The following SLIT3 variants were observed in gnomAD, a reference collection of about 807,000 sequenced individuals.
The protein encoded by SLIT3 is slit homolog 3 protein.
Under a neutral mutation model 184.0 loss-of-function variants are expected in SLIT3, and 68 were observed. That is an observed-to-expected ratio of 0.37 (90% CI 0.30 to 0.45). The LOEUF (loss-of-function observed/expected upper bound fraction) is 0.45, where lower values mean the gene tolerates loss of function less well. Among genes scored for constraint, SLIT3 ranks in the 20% least tolerant of loss-of-function variants. The probability of loss-of-function intolerance (pLI) is 1.00; values close to 1 mark genes in which losing one functional copy is unlikely to be tolerated. For synonymous variants in SLIT3, 831 were observed against 828.6 expected, an observed-to-expected ratio of 1.00 and a Z score of -0.05; for missense variants, 1,707 against 2,026.0, an observed-to-expected ratio of 0.84 and a Z score of 3.02.
At chr5:168,816,338 C>T (rs1757334375) in intron 8 of SLIT3, among the ~76,000 whole-genome samples, 1 of 152,154 alleles carries the variant, frequency 6.6e-6, no homozygotes, top group South Asian at 2.1e-4. Context: ...AGGTGCCCGC[C>T]ACCACGTCCA....
chr5:169,225,988 C>A (rs1303981259), intron 3 of SLIT3, among the ~76,000 whole-genome samples: 1 of 152,122 alleles, frequency 6.6e-6, no homozygotes, highest in African/African-American at 2.4e-5. Context: ...GTCCTTTGAG[C>A]AAGAGAAGAT....
chr5:169,212,523 T>A (rs1764300529), intron 3 of SLIT3, among the ~76,000 whole-genome samples: 1 of 152,212 alleles, frequency 6.6e-6, no homozygotes, highest in East Asian at 1.9e-4. Context: ...ATTAGCCCTT[T>A]GTCAGATGGA....
At chr5:168,790,825 T>C (rs576911528) in intron 10 of SLIT3, 61 of 152,372 alleles carry the variant, frequency 4.0e-4, no homozygotes, top group African/African-American at 1.4e-3. Context: ...GGAATCTCTC[T>C]GAGCCTGTTT....
At chr5:169,061,690 G>A (rs1053960974) in intron 4 of SLIT3, among the ~76,000 whole-genome samples, 5 of 152,184 alleles carry the variant, frequency 3.3e-5, no homozygotes, top group African/African-American at 9.7e-5. Flanking sequence ...ACGATGCAGC[G>A]CAAGGATGCA....
At chr5:169,119,043 C>T (rs180769305) in intron 4 of SLIT3, among the ~76,000 whole-genome samples, 28 of 152,290 alleles carry the variant, frequency 1.8e-4, no homozygotes, top group Admixed American at 6.5e-4. Context: ...ACCGCTTAGT[C>T]CAGAAGCTCA....
Position 168,815,037 on chromosome 5 carries a change from G to C in SLIT3, c.793+2263C>G, listed in dbSNP as rs139832161. On this transcript the variant is annotated intron_variant, in intron 8 of 35. Coordinates refer to ENST00000519560, the MANE Select transcript of SLIT3 (RefSeq NM_003062.4). ...CCCTTAATTCATACTACAGGCGAGA[G>C]GGTGGAGGTTAACAGCATAGTCATG... Among the ~76,000 whole-genome samples, 922 of 152,326 alleles carry C rather than the reference G, an allele frequency of 6.1e-3. 7 individuals are homozygous for C. The highest frequency in any genetic ancestry group is 0.01 in the Non-Finnish European group (705 of 68,032).
chr5:168,715,477 G>A (rs1358544680), intron 23 of SLIT3, among the ~76,000 whole-genome samples: 1 of 152,116 alleles, frequency 6.6e-6, no homozygotes, highest in Non-Finnish European at 1.5e-5. Flanking sequence ...CAACCTAAGG[G>A]AGCCAAGGAG....
chr5:168,861,872 C>T (rs146885313), intron 5 of SLIT3, among the ~76,000 whole-genome samples: 2 of 152,280 alleles, frequency 1.3e-5, no homozygotes, highest in Non-Finnish European at 2.9e-5. Context: ...CTGAGGCACA[C>T]AATAAGGAAG....
At chr5:168,678,479 C>T (rs927502913) in intron 32 of SLIT3, among the ~76,000 whole-genome samples, 9 of 152,044 alleles carry the variant, frequency 5.9e-5, no homozygotes, top group East Asian at 3.9e-4. Flanking sequence ...GTCAGGAGTT[C>T]GAGACCAGCC....
intron 4 of SLIT3, among the ~76,000 whole-genome samples, chr5:168,983,462 T>TG (rs1172327854): frequency 6.6e-6 from 1 of 152,214 alleles, no homozygotes; most frequent in East Asian, 1.9e-4. Context: ...AAATCCTCAG[T>TG]GGGACTTTGA....
intron 4 of SLIT3, among the ~76,000 whole-genome samples, chr5:169,113,662 T>C (rs35997053): frequency 1.3e-5 from 2 of 149,536 alleles, no homozygotes; most frequent in African/African-American, 2.5e-5. Flanking sequence ...CTTTTTCTTT[T>C]TTTTTTTTTT....
intron 4 of SLIT3, among the ~76,000 whole-genome samples, chr5:168,952,623 A>G (rs955931746): frequency 6.8e-5 from 10 of 146,136 alleles, no homozygotes; most frequent in Non-Finnish European, 1.3e-4. Flanking sequence ...AAAAGGAACT[A>G]CCATGAAGAA....
At chr5:169,041,328 C>A (rs1434964686) in intron 4 of SLIT3, among the ~76,000 whole-genome samples, 5 of 152,156 alleles carry the variant, frequency 3.3e-5, no homozygotes, top group Admixed American at 3.3e-4. Flanking sequence ...TCTCGTGGAT[C>A]TCAGTCTAGT....
intron 33 of SLIT3, among the ~76,000 whole-genome samples, chr5:168,672,269 G>A (rs1365656067): frequency 6.6e-6 from 1 of 152,046 alleles, no homozygotes; most frequent in Non-Finnish European, 1.5e-5. Context: ...GCTTTCCCTG[G>A]CCTCCCTACA....
chr5:168,673,402 G>T, intron 32 of SLIT3, 71 bp from the exon 33 acceptor site: 1 of 1,378,546 alleles, frequency 7.3e-7, no homozygotes, highest in Non-Finnish European at 1.0e-6. Context: ...CCTGTGCTGT[G>T]GACTTGACCT....
chr5:169,269,897 A>G (rs970459848), intron 1 of SLIT3, among the ~76,000 whole-genome samples: 1 of 152,218 alleles, frequency 6.6e-6, no homozygotes, highest in Non-Finnish European at 1.5e-5. Context: ...GCAAGGAGGA[A>G]ACAATTCTCT....
At chr5:168,963,382 G>T (rs1763079762) in intron 4 of SLIT3, among the ~76,000 whole-genome samples, 1 of 152,144 alleles carries the variant, frequency 6.6e-6, no homozygotes, top group Non-Finnish European at 1.5e-5. Context: ...ACGTTGGCCA[G>T]GCTGGTCTTG....
At chr5:169,057,037 A>T (rs1758028891) in intron 4 of SLIT3, among the ~76,000 whole-genome samples, 1 of 152,200 alleles carries the variant, frequency 6.6e-6, no homozygotes, top group Non-Finnish European at 1.5e-5. Context: ...AAATGGTGTC[A>T]ATATATTTTC....
chr5:168,990,399 C>T (rs886923577), intron 4 of SLIT3, among the ~76,000 whole-genome samples: 5 of 152,178 alleles, frequency 3.3e-5, no homozygotes, highest in Non-Finnish European at 4.4e-5. Flanking sequence ...ATTCAGATCC[C>T]GTGAGATCTT....
Sources: gnomAD v4.1 joint callset for allele counts (sites outside exome capture counted in the v4.1 genomes callset) on GRCh38, gnomAD v4.1.1 for gene constraint, MANE v1.5 for transcripts, NCBI Gene and HGNC (gene_info 2026-07-23, HGNC 2026-07-21) for gene names.